COL25A1: variants seen among roughly 807,000 people sequenced by gnomAD.
COL25A1 encodes collagen alpha-1(XXV) chain.
Under a neutral mutation model 128.4 loss-of-function variants are expected in COL25A1, and 103 were observed. The observed-to-expected ratio is 0.80, with a 90% CI of 0.68 to 0.94. The LOEUF (loss-of-function observed/expected upper bound fraction) is 0.94. COL25A1 is among the 40% of genes least tolerant of loss of function. The probability of loss-of-function intolerance (pLI) is 0.00; values close to 1 mark genes in which losing one functional copy is unlikely to be tolerated. For missense variants in COL25A1, 745 were observed against 840.0 expected, an observed-to-expected ratio of 0.89 and a Z score of 1.40; for synonymous variants, 279 against 277.2, an observed-to-expected ratio of 1.01 and a Z score of -0.06.
At chr4:108,824,003 A>G (rs1732075673) in intron 35 of COL25A1, 171 bp downstream of exon 35, 2 of 1,583,608 alleles carry the variant, frequency 1.3e-6, no homozygotes, top group Admixed American at 3.9e-5. Flanking sequence ...CTGGCAGTAC[A>G]GCCTTCTTCA....
intron 3 of COL25A1, among the ~76,000 whole-genome samples, chr4:109,124,005 T>C (rs1024444151): frequency 5.3e-5 from 8 of 152,126 alleles, no homozygotes; most frequent in Admixed American, 2.0e-4. Flanking sequence ...CTAATGACTT[T>C]ACATTAAAAG....
At chr4:109,022,021 C>T (rs949579442) in intron 5 of COL25A1, among the ~76,000 whole-genome samples, 6 of 152,192 alleles carry the variant, frequency 3.9e-5, no homozygotes, top group African/African-American at 1.2e-4. Flanking sequence ...GGTCCTGTTT[C>T]CTCAGAAACA....
At chr4:109,269,956 C>A (rs896580735) in intron 3 of COL25A1, among the ~76,000 whole-genome samples, 1 of 151,992 alleles carries the variant, frequency 6.6e-6, no homozygotes, top group Non-Finnish European at 1.5e-5. Flanking sequence ...TAAACAGAGC[C>A]AAAGACAAAA....
chr4:109,037,663 T>C (rs914684109), intron 5 of COL25A1, among the ~76,000 whole-genome samples: 1 of 152,224 alleles, frequency 6.6e-6, no homozygotes, highest in African/African-American at 2.4e-5. Flanking sequence ...AAAAATAAAA[T>C]GTAAGCCTTC....
intron 6 of COL25A1, among the ~76,000 whole-genome samples, chr4:108,990,465 G>A (rs931959405): frequency 2.0e-5 from 3 of 151,600 alleles, no homozygotes; most frequent in African/African-American, 4.8e-5. Context: ...GCACATAAAT[G>A]TTTATTTACA....
intron 6 of COL25A1, among the ~76,000 whole-genome samples, chr4:108,988,635 T>C (rs1328412159): frequency 6.6e-6 from 1 of 152,176 alleles, no homozygotes; most frequent in East Asian, 1.9e-4. Flanking sequence ...GACTTCAAAG[T>C]TTTAAAAAGA....
intron 30 of COL25A1, among the ~76,000 whole-genome samples, chr4:108,843,148 C>CAAAAAAAAAAAAAAAAAAAAAAGGGAAA (rs1734656877): frequency 1.1e-5 from 1 of 88,306 alleles, no homozygotes; most frequent in African/African-American, 4.6e-5. Flanking sequence ...GACCCTGTCT[C>CAAAAAAAAAAAAAAAAAAAAAAGGGAAA]AAAAAAAAAA....
chr4:108,815,352 C>T (rs1731149520), intron 37 of COL25A1, among the ~76,000 whole-genome samples: 1 of 147,344 alleles, frequency 6.8e-6, no homozygotes, highest in Non-Finnish European at 1.5e-5. Context: ...AAGCAATCCG[C>T]TGACTTTATT....
At chr4:109,006,130 A>G (rs2126037597) in intron 6 of COL25A1, among the ~76,000 whole-genome samples, 1 of 152,208 alleles carries the variant, frequency 6.6e-6, no homozygotes, top group Admixed American at 6.5e-5. Context: ...CAGTGAGCCA[A>G]GTAAACAGAA....
intron 32 of COL25A1, among the ~76,000 whole-genome samples, chr4:108,829,049 G>A (rs1032535933): frequency 2.6e-5 from 4 of 152,182 alleles, no homozygotes; most frequent in African/African-American, 9.6e-5. Flanking sequence ...ATTACTTTAC[G>A]GTTATTACCA....
intron 3 of COL25A1, among the ~76,000 whole-genome samples, chr4:109,263,480 T>C (rs1401857264): frequency 6.6e-6 from 1 of 152,204 alleles, no homozygotes; most frequent in Non-Finnish European, 1.5e-5. Flanking sequence ...TAATGAGCTC[T>C]TGATTTCACC....
At chr4:109,138,148 CCT>C (rs1019516854) in intron 3 of COL25A1, among the ~76,000 whole-genome samples, 2 of 152,054 alleles carry the variant, frequency 1.3e-5, no homozygotes, top group African/African-American at 4.8e-5. Flanking sequence ...CTCCCATCCC[CCT>C]GACAGACCCT....
chr4:109,236,925 AAAAAATTTCT>A (rs1779516630), intron 3 of COL25A1, among the ~76,000 whole-genome samples: 2 of 152,114 alleles, frequency 1.3e-5, no homozygotes, highest in African/African-American at 4.8e-5. Context: ...AAGTGTACAA[AAAAAATTTCT>A]AGGAACATTG....
intron 3 of COL25A1, among the ~76,000 whole-genome samples, chr4:109,244,038 A>C (rs542098383): frequency 4.7e-4 from 71 of 152,164 alleles, no homozygotes; most frequent in African/African-American, 1.7e-3. Flanking sequence ...TACACAAAGC[A>C]GCTCTAGACT....
chr4:109,036,631 T>C (rs1759384599), intron 5 of COL25A1, among the ~76,000 whole-genome samples: 1 of 152,208 alleles, frequency 6.6e-6, no homozygotes, highest in Non-Finnish European at 1.5e-5. Context: ...TATTGAATAA[T>C]GGTCAGACTA....
intron 8 of COL25A1, among the ~76,000 whole-genome samples, chr4:108,943,693 G>A (rs961860512): frequency 2.0e-5 from 3 of 151,958 alleles, no homozygotes; most frequent in East Asian, 3.9e-4. Flanking sequence ...TTAGACACTC[G>A]TTCTTCAATA....
intron 24 of COL25A1, among the ~76,000 whole-genome samples, chr4:108,856,767 G>T (rs1439472920): frequency 6.6e-6 from 1 of 152,030 alleles, no homozygotes; most frequent in Non-Finnish European, 1.5e-5. Flanking sequence ...AAAAGAAACA[G>T]AAGTATATCG....
intron 8 of COL25A1, among the ~76,000 whole-genome samples, chr4:108,946,740 CAT>C (rs1185374465): frequency 6.6e-6 from 1 of 152,194 alleles, no homozygotes; most frequent in East Asian, 1.9e-4. Context: ...GCACTAGACA[CAT>C]GTTTCAGGAG....
chr4:109,120,027 G>T (rs3113729), intron 3 of COL25A1, among the ~76,000 whole-genome samples: 181 of 152,046 alleles, frequency 1.2e-3, no homozygotes, highest in African/African-American at 4.2e-3. Flanking sequence ...GGCTAAAAAA[G>T]AAAAATCACA....
Sources: gnomAD v4.1 joint callset for allele counts (sites outside exome capture counted in the v4.1 genomes callset) on GRCh38, gnomAD v4.1.1 for gene constraint, MANE v1.5 for transcripts, NCBI Gene and HGNC (gene_info 2026-07-23, HGNC 2026-07-21) for gene names.